The following TAF6 variants were observed in gnomAD, a reference collection of about 807,000 sequenced individuals.
The protein encoded by TAF6 is transcription initiation factor TFIID subunit 6.
In TAF6, 50 loss-of-function variants were observed where a neutral mutation model predicts 73.5. The ratio of observed to expected loss-of-function variants is 0.68; its 90% CI spans 0.54 to 0.86. The LOEUF is 0.86. Ranked by LOEUF, TAF6 falls within the 40% of genes least tolerant of loss-of-function variation. The probability of loss-of-function intolerance (pLI) is 0.00; values close to 1 mark genes in which losing one functional copy is unlikely to be tolerated. For missense variants in TAF6, 768 were observed against 899.5 expected (o/e 0.85, Z 1.87); for synonymous variants, 424 against 376.7 (o/e 1.13, Z -1.45).
intron 10 of TAF6, among the ~76,000 whole-genome samples, chr7:100,110,765 T>C (rs4134911): frequency 0.039 from 6,000 of 152,216 alleles, 123 homozygotes; most frequent in Middle Eastern, 0.068. Context: ...AAGCCAAGAT[T>C]GCACCATTGC....
chr7:100,121,036 ATCT>A (rs1271121775), upstream of TAF6: 3 of 129,460 alleles, frequency 2.3e-5, no homozygotes, highest in Admixed American at 1.6e-4. Flanking sequence ...GATTTATTTA[ATCT>A]TCATCACACT....
intron 12 of TAF6, among the ~76,000 whole-genome samples, chr7:100,109,307 A>G (rs1474889424): frequency 6.6e-6 from 1 of 151,500 alleles, no homozygotes; most frequent in Non-Finnish European, 1.5e-5. Flanking sequence ...CCTGGGTTAC[A>G]GAGTGAGACT....
chr7:100,108,356 C>T lies in TAF6; in HGVS notation c.1458+11G>A, dbSNP rs748478235. 43 of 1,590,108 alleles carry T rather than the reference C, an allele frequency of 2.7e-5. No homozygotes were observed. Among genetic ancestry groups the T allele is most frequent in the Middle Eastern group, 1.7e-4 (1 of 5,844 alleles). On this transcript the variant is annotated intron_variant, in intron 13 of 14. Coordinates refer to ENST00000453269, the MANE Select transcript of TAF6 (RefSeq NM_139315.3). Reference sequence around the variant, plus strand: ...CTTCCTCCTATTCCTCCTCCCCACCCGGCCACGGACCTGCGTGATGGTCAG... The same window carrying T: ...CTTCCTCCTATTCCTCCTCCCCACCTGGCCACGGACCTGCGTGATGGTCAG...
At chr7:100,108,596 G>T in intron 12 of TAF6, 56 bp from the exon 13 acceptor site, 1 of 1,541,950 alleles carries the variant, frequency 6.5e-7, no homozygotes, top group Non-Finnish European at 8.8e-7. Context: ...AAGCCAGGTA[G>T]AGGGAGGGCT....
intron 1 of TAF6, among the ~76,000 whole-genome samples, chr7:100,118,045 C>CAAAAA (rs749816135): frequency 3.7e-5 from 3 of 81,118 alleles, no homozygotes; most frequent in Admixed American, 1.5e-4. Flanking sequence ...GACTCTGTCT[C>CAAAAA]AAAAAAAAAA....
At position 100,107,219 on chromosome 7, in the gene TAF6, G is replaced by A. The variant is rs1210412928; in HGVS notation, c.*27C>T. Reference sequence around the variant, plus strand: ...ACGTGTGTACATGTCTGCATGTGTGGGAATCCGGGGGCTGGCAGGTGGAGC... The same window carrying A: ...ACGTGTGTACATGTCTGCATGTGTGAGAATCCGGGGGCTGGCAGGTGGAGC... On this transcript the variant is annotated 3_prime_UTR_variant, in exon 15 of 15. Coordinates refer to ENST00000453269, the MANE Select transcript of TAF6 (RefSeq NM_139315.3). 5 of 1,518,516 alleles carry A rather than the reference G, an allele frequency of 3.3e-6. No individual in the cohort carries two copies. The African/African-American group carries it at 7.0e-5, about 21-fold the overall frequency. 94.1% of individuals were successfully genotyped at this position (1,518,516 alleles called of 1,614,324 possible).
chr7:100,109,335 A>G (rs1248037526), intron 12 of TAF6, among the ~76,000 whole-genome samples: 1 of 151,872 alleles, frequency 6.6e-6, no homozygotes, highest in Admixed American at 6.6e-5. Context: ...AAAAAAAAAA[A>G]AAGAAAAGAA....
At chr7:100,119,838 G>A (rs776523227), upstream of TAF6, 25 of 1,612,934 alleles carry the variant, frequency 1.5e-5, no homozygotes, top group Non-Finnish European at 2.0e-5. Flanking sequence ...CGATGACACA[G>A]AACGCTTGCC....
intron 6 of TAF6, 32 bp from the exon 7 acceptor site, chr7:100,112,285 A>C (rs1265767067): frequency 6.2e-7 from 1 of 1,601,952 alleles, no homozygotes; most frequent in Admixed American, 1.8e-5. Context: ...TCTGACAAAG[A>C]AAGCTCCAGA....
At chr7:100,107,845 T>G in intron 14 of TAF6, 81 bp downstream of exon 14, 1 of 1,504,384 alleles carries the variant, frequency 6.6e-7, no homozygotes, top group Non-Finnish European at 9.0e-7. Context: ...GAGGGGACTG[T>G]GCTCTACTCC....
At chr7:100,115,861 C>T (rs772532755) in intron 1 of TAF6, among the ~76,000 whole-genome samples, 4 of 152,012 alleles carry the variant, frequency 2.6e-5, no homozygotes, top group Non-Finnish European at 5.9e-5. Context: ...GTCCCAGCTA[C>T]TCGGGAGGCT....
rs999320390 is a variant in TAF6 at position 100,107,183 on chromosome 7, T to C, written c.*63A>G. ...TCCTTCCGCTTAGCGAGCATGCATG[T>C]GTGTACGTGCACGTGTGTACATGTC... On this transcript the variant is annotated 3_prime_UTR_variant, in exon 15 of 15. Transcript: ENST00000453269. 2.0e-5 allele frequency: 30 copies of C among 1,518,450 alleles called. No individual in the cohort carries two copies. In the East Asian group the frequency reaches 4.3e-4, roughly 22 times the overall value. 94.1% of individuals were successfully genotyped at this position (1,518,450 alleles called of 1,614,324 possible).
chr7:100,119,021 A>G (rs921650683), intron 1 of TAF6, 183 bp downstream of exon 1: 9 of 985,660 alleles, frequency 9.1e-6, no homozygotes, highest in Non-Finnish European at 1.1e-5. Context: ...TCCTCAGATC[A>G]GTGGAGGCGG....
upstream of TAF6, chr7:100,119,622 G>T (rs890312969): frequency 4.4e-6 from 7 of 1,587,546 alleles, no homozygotes; most frequent in Non-Finnish European, 6.0e-6. Flanking sequence ...CTGATCCTGC[G>T]CATGCGCCGA....
At position 100,107,550 on chromosome 7, in the gene TAF6, C is replaced by T. The variant is rs1796658650; in HGVS notation, c.1730G>A (p.Ser577Asn). The change falls in exon 15 of 15, where the codon AGC becomes AAC. Residue 577 changes from serine to asparagine, a missense_variant. Ser to Asn is a conservative substitution (Grantham distance 46, BLOSUM62 1). Around this residue, in one of 5 missense-constraint regions of TAF6, gnomAD observed 350 missense variants for 352.3 expected, o/e 0.99. Coordinates refer to ENST00000453269, the MANE Select transcript of TAF6 (RefSeq NM_139315.3). ...GACCAACTTGACGATGGGCTGCACG[C>T]TGGGGACGGTGGTGGTGACGGGCGA... is the stretch of plus-strand genomic sequence containing the variant. The part of the protein sequence containing the change: ...TTSPVTTTVP[S>N]VQPIVKLVST... 6.2e-7 allele frequency: 1 copy of T among 1,613,796 alleles called. No homozygotes were observed. The highest frequency in any genetic ancestry group is 8.5e-7 in the Non-Finnish European group (1 of 1,179,978).
chr7:100,107,744 C>T (rs969931875), intron 14 of TAF6, 121 bp from the exon 15 acceptor site: 128 of 1,457,816 alleles, frequency 8.8e-5, no homozygotes, highest in Non-Finnish European at 1.1e-4. Context: ...ACCCTGTAGA[C>T]AGCTATGGCT....
In TAF6 at chr7:100,108,772, T is replaced by C. The variant is rs570309406; in HGVS notation, c.1285-232A>G. 7.6e-4 allele frequency: 316 copies of C among 416,540 alleles called. 6 individuals are homozygous for C. The South Asian group carries it at 0.013, about 17-fold the overall frequency. 25.8% of individuals were successfully genotyped at this position (416,540 alleles called of 1,614,324 possible). ...GGGCACGGGGCCAGGTGCAGCATCT[T>C]AGGCCTGTATCCCAGCACTTGGGAG... On this transcript the variant is annotated intron_variant, in intron 12 of 14. Coordinates refer to ENST00000453269, the MANE Select transcript of TAF6 (RefSeq NM_139315.3).
chr7:100,121,004 T>C (rs1220332226), upstream of TAF6, among the ~76,000 whole-genome samples: 1 of 150,786 alleles, frequency 6.6e-6, no homozygotes, highest in East Asian at 1.9e-4. Context: ...GTGCTCACTA[T>C]GTGCCAGCCT....
intron 3 of TAF6, 45 bp from the exon 4 acceptor site, chr7:100,113,814 G>T (rs1289782271): frequency 6.2e-7 from 1 of 1,611,118 alleles, no homozygotes; most frequent in South Asian, 1.1e-5. Flanking sequence ...AGCCGGAGGA[G>T]ACCTGGCTGA....
Sources: allele counts gnomAD v4.1 joint callset (sites outside exome capture counted in the v4.1 genomes callset), GRCh38; gene constraint gnomAD v4.1.1; regional missense constraint gnomAD v4.1.1; transcripts MANE v1.5; gene names NCBI Gene and HGNC (gene_info 2026-07-23, HGNC 2026-07-21).